Variants in EFR3B observed in about 807,000 individuals in gnomAD.
The protein encoded by EFR3B is EFR3 homolog B, also known as protein EFR3 homolog B.
A neutral mutation model predicts 104.7 loss-of-function variants in EFR3B; 64 were observed. The ratio of observed to expected loss-of-function variants is 0.61; its 90% CI spans 0.50 to 0.75. EFR3B has a LOEUF of 0.75. EFR3B is among the 30% of genes least tolerant of loss of function. EFR3B has a pLI of 0.00. For missense variants in EFR3B, 750 were observed against 1,078.5 expected (o/e 0.70, Z 4.27); for synonymous variants, 385 against 417.9 (o/e 0.92, Z 0.96).
intron 1 of EFR3B, among the ~76,000 whole-genome samples, chr2:25,059,948 C>T (rs1668142383): frequency 6.6e-6 from 1 of 150,502 alleles, no homozygotes; most frequent in African/African-American, 2.5e-5. Flanking sequence ...AATCTAATCC[C>T]AGCACTTTGG....
Position 25,080,283 on chromosome 2 carries a change from C to CTTTT in EFR3B, c.8-11017_8-11014dup, listed in dbSNP as rs563438610. The stretch of plus-strand genomic sequence containing the variant: ...AGCTGGCTGGAGTCCCTCCCCAAAG[C>CTTTT]TTTTTTTTTTTTTTTTTTTTTTTTT... On this transcript the variant is annotated intron_variant, in intron 1 of 22. Transcript: ENST00000403714. 688 of 154,924 alleles carry CTTTT rather than the reference C, an allele frequency of 4.4e-3. 58 individuals are homozygous for CTTTT. Among genetic ancestry groups the CTTTT allele is most frequent in the East Asian group, 0.031 (172 of 5,536 alleles). 9.6% of individuals were successfully genotyped at this position (154,924 alleles called of 1,614,324 possible). A position where few individuals can be genotyped will look rare whatever the true frequency, so the allele number is the denominator to read the frequency against.
At chr2:25,152,892 C>T (rs1196270171) in intron 21 of EFR3B, among the ~76,000 whole-genome samples, 1 of 151,980 alleles carries the variant, frequency 6.6e-6, no homozygotes, top group Non-Finnish European at 1.5e-5. Context: ...TCTAACCTCT[C>T]ATCCCACTTT....
intron 5 of EFR3B, among the ~76,000 whole-genome samples, chr2:25,121,998 A>G (rs569970759): frequency 1.4e-5 from 2 of 145,842 alleles, no homozygotes; most frequent in East Asian, 4.0e-4. Flanking sequence ...ACCGAGTTTC[A>G]CTCTGTTGCC....
intron 6 of EFR3B, among the ~76,000 whole-genome samples, chr2:25,129,205 C>G (rs921628345): frequency 2.0e-5 from 3 of 151,688 alleles, no homozygotes; most frequent in Non-Finnish European, 4.4e-5. Context: ...CATTTTTCCC[C>G]TCGGTGAAAT....
intron 1 of EFR3B, chr2:25,080,064 C>G (rs1357005114): frequency 1.1e-6 from 1 of 883,902 alleles, no homozygotes; most frequent in Admixed American, 1.7e-5. Flanking sequence ...AACTCGTGTA[C>G]CTTGTAACCC....
chr2:25,154,239 C>T lies in EFR3B; in HGVS notation c.2353C>T (p.Pro785Ser). Residue 785 changes from proline (P) to serine (S), a missense_variant, in exon 23 of 23, where the codon CCA (proline) becomes TCA (serine). Pro to Ser is a moderately conservative substitution (Grantham distance 74, BLOSUM62 -1). Coordinates refer to ENST00000403714, the MANE Select transcript of EFR3B (RefSeq NM_014971.2). The surrounding 1 kb of genome is among the most constrained non-coding windows in gnomAD (Gnocchi z 4.1). ...NQIFEITIRP[P>S]PSPSGTITAA... Reference sequence around the variant, plus strand: ...CCATGTGTTCCTGCCCCCTAGGCCCCCACCAAGCCCATCAGGAACCATCAC... The same window carrying T: ...CCATGTGTTCCTGCCCCCTAGGCCCTCACCAAGCCCATCAGGAACCATCAC... The T allele has an allele frequency of 6.4e-7, 1 of 1,551,826 alleles. No homozygotes were observed. Among genetic ancestry groups the T allele is most frequent in the Non-Finnish European group, 8.7e-7 (1 of 1,147,024 alleles).
intron 5 of EFR3B, among the ~76,000 whole-genome samples, chr2:25,125,219 G>A (rs999699738): frequency 3.3e-5 from 5 of 152,236 alleles, no homozygotes; most frequent in African/African-American, 7.2e-5. Context: ...GTGAAGGAGT[G>A]CAAGGTAGTT....
chr2:25,096,807 T>C (rs531695080), intron 3 of EFR3B, among the ~76,000 whole-genome samples: 1 of 152,300 alleles, frequency 6.6e-6, no homozygotes, highest in East Asian at 1.9e-4. Flanking sequence ...TGCATGGTGC[T>C]GATGGGGTGG....
At chr2:25,047,502 A>AATTATTT (rs1206790606) in intron 1 of EFR3B, among the ~76,000 whole-genome samples, 9 of 151,496 alleles carry the variant, frequency 5.9e-5, no homozygotes, top group Non-Finnish European at 1.2e-4. Flanking sequence ...TTTATTTTTT[A>AATTATTT]ATTATTTATT....
At position 25,137,716 on chromosome 2, in the gene EFR3B, T is replaced by A. The variant is rs371019268; in HGVS notation, c.1722+214T>A. Among the ~76,000 whole-genome samples the A allele has an allele frequency of 2.0e-5, 3 of 152,158 alleles. No individual in the cohort carries two copies. The highest frequency in any genetic ancestry group is 4.1e-4 in the South Asian group (2 of 4,820). ...ATGCTTCATTCATGGTCTTGGCCCG[T>A]CCTTAAGCTAAAGAAGACCCAGGGA... On this transcript the variant is annotated intron_variant, in intron 15 of 22. Transcript: ENST00000403714. The surrounding 1 kb of genome is among the most constrained non-coding windows in gnomAD (Gnocchi z 4.7).
chr2:25,132,906 C>G lies in EFR3B; in HGVS notation c.1151C>G (p.Ser384Cys), dbSNP rs1021985047. 6.4e-7 allele frequency: 1 copy of G among 1,550,692 alleles called. No homozygotes were observed. Among genetic ancestry groups the G allele is most frequent in the East Asian group, 2.4e-5 (1 of 40,912 alleles). Residue 384 changes from serine to cysteine, a missense_variant, in exon 11 of 23, where the codon TCC becomes TGC. Transcript: ENST00000403714. ...FQEAVIKTVG[S>C]FASTLPTYQR... is the part of the protein sequence containing the mutation. ...CCCTCTCCGCCACCTCCTGCAGGCT[C>G]CTTTGCCAGCACGCTGCCCACCTAC...
At chr2:25,043,971 G>A (rs954220573) in intron 1 of EFR3B, among the ~76,000 whole-genome samples, 3 of 152,222 alleles carry the variant, frequency 2.0e-5, no homozygotes, top group African/African-American at 4.8e-5. Context: ...GTTTACCCGA[G>A]ATATCTGAAG....
At chr2:25,143,531 G>A (rs900391384) in intron 17 of EFR3B, among the ~76,000 whole-genome samples, 1 of 151,874 alleles carries the variant, frequency 6.6e-6, no homozygotes, top group Admixed American at 6.6e-5. Context: ...GTGGTGGCAG[G>A]TGCCTTTAAT....
intron 4 of EFR3B, among the ~76,000 whole-genome samples, chr2:25,116,265 A>G (rs1669856107): frequency 6.6e-6 from 1 of 152,212 alleles, no homozygotes; most frequent in Non-Finnish European, 1.5e-5. Context: ...CCAGGAGCTC[A>G]GGGAGCTTTT....
intron 4 of EFR3B, among the ~76,000 whole-genome samples, chr2:25,107,573 C>T (rs553996114): frequency 1.3e-5 from 2 of 152,290 alleles, no homozygotes; most frequent in South Asian, 2.1e-4. Context: ...CTGACCCGTT[C>T]TAGTCTTAAG....
At chr2:25,046,794 C>T (rs1337417653) in intron 1 of EFR3B, among the ~76,000 whole-genome samples, 1 of 152,152 alleles carries the variant, frequency 6.6e-6, no homozygotes, top group Non-Finnish European at 1.5e-5. Context: ...TGAGCCACCG[C>T]GCCCGGCCGA....
At chr2:25,128,037 C>G (rs774966636) in intron 5 of EFR3B, 146 bp from the exon 6 acceptor site, 28 of 884,810 alleles carry the variant, frequency 3.2e-5, no homozygotes, top group Non-Finnish European at 3.8e-5. Flanking sequence ...CAGGAGGTCT[C>G]ATGAGAGTAG....
rs1218505496 is a variant in EFR3B at position 25,142,964 on chromosome 2, AAG to A, written c.1923-770_1923-769del. On this transcript the variant is annotated intron_variant, in intron 17 of 22. Coordinates refer to ENST00000403714, the MANE Select transcript of EFR3B (RefSeq NM_014971.2). Reference sequence around the variant, plus strand: ...GTCTTTAAAAAAAAAAAAAAAAAAAAAGGCTGGGCATGGCGGCTCATGCCTGT... The same window carrying A: ...GTCTTTAAAAAAAAAAAAAAAAAAAAGCTGGGCATGGCGGCTCATGCCTGT... Among the ~76,000 whole-genome samples the A allele has an allele frequency of 3.5e-3, 524 of 149,610 alleles. 1 individual carries two copies. Among genetic ancestry groups the A allele is most frequent in the African/African-American group, 0.012 (502 of 40,974 alleles).
intron 19 of EFR3B, 68 bp downstream of exon 19, chr2:25,145,119 C>T: frequency 7.1e-7 from 1 of 1,403,924 alleles, no homozygotes; most frequent in Non-Finnish European, 9.9e-7. Flanking sequence ...ACTCCAGGCT[C>T]CCCTGCCTGC....
Sources: gnomAD v4.1 joint callset for allele counts (sites outside exome capture counted in the v4.1 genomes callset) on GRCh38, gnomAD v4.1.1 for gene constraint, Gnocchi (gnomAD v3.1) non-coding constraint, MANE v1.5 for transcripts, NCBI Gene and HGNC (gene_info 2026-07-23, HGNC 2026-07-21) for gene names.